Variants in BAZ1A observed in about 807,000 individuals in gnomAD.
The protein encoded by BAZ1A is bromodomain adjacent to zinc finger domain 1A.
BAZ1A carries 50 observed loss-of-function variants against 185.2 expected under a neutral mutation model. That is an observed-to-expected ratio of 0.27 (90% CI 0.22 to 0.34). The LOEUF is 0.34. Among genes scored for constraint, BAZ1A ranks in the 10% least tolerant of loss-of-function variants. BAZ1A has a pLI of 1.00. For missense variants in BAZ1A, 1,356 were observed against 1,839.9 expected (o/e 0.74, Z 4.81); for synonymous variants, 571 against 615.6 (o/e 0.93, Z 1.07).
chr14:34,792,542 A>G (rs1880917699), intron 12 of BAZ1A, among the ~76,000 whole-genome samples: 1 of 152,216 alleles, frequency 6.6e-6, no homozygotes, highest in African/African-American at 2.4e-5. Context: ...CTAAAGGAAT[A>G]AAAGCAAGAT....
intron 3 of BAZ1A, among the ~76,000 whole-genome samples, chr14:34,832,735 A>T (rs1221858308): frequency 6.6e-6 from 1 of 152,212 alleles, no homozygotes; most frequent in Non-Finnish European, 1.5e-5. Context: ...AAAATGGTAC[A>T]ACTGCTACAG....
At chr14:34,800,698 C>G (rs930976897) in intron 8 of BAZ1A, among the ~76,000 whole-genome samples, 1 of 152,174 alleles carries the variant, frequency 6.6e-6, no homozygotes, top group Non-Finnish European at 1.5e-5. Context: ...CTCATTCCCC[C>G]ACCAGACCTA....
intron 7 of BAZ1A, 22 bp from the exon 8 acceptor site, chr14:34,801,215 TATGCC>T (rs776411024): frequency 6.6e-7 from 1 of 1,526,230 alleles, no homozygotes; most frequent in Non-Finnish European, 9.0e-7. Context: ...ACCAAAATAG[TATGCC>T]TGGTTCTTAT....
intron 3 of BAZ1A, chr14:34,845,301 G>C (rs953850359): frequency 1.4e-5 from 2 of 143,506 alleles, no homozygotes; most frequent in African/African-American, 5.1e-5. Context: ...GAGGGGAAGA[G>C]GGGCTTTCCA....
chr14:34,780,004 T>C (rs1044230752), intron 17 of BAZ1A, 182 bp downstream of exon 17: 16 of 652,450 alleles, frequency 2.5e-5, no homozygotes, highest in East Asian at 1.7e-4. Context: ...AATGTACTAA[T>C]AGGACTTCAT....
chr14:34,784,323 G>C (rs550162414), intron 14 of BAZ1A, among the ~76,000 whole-genome samples: 1 of 117,782 alleles, frequency 8.5e-6, no homozygotes, highest in Admixed American at 1.2e-4. Flanking sequence ...CGCCAAGATC[G>C]CACCACTGCA....
chr14:34,818,617 G>GA (rs1209921532), intron 4 of BAZ1A, among the ~76,000 whole-genome samples: 1 of 151,784 alleles, frequency 6.6e-6, no homozygotes, highest in Admixed American at 6.6e-5. Context: ...AAACATTAAA[G>GA]AAAAAAAATT....
chr14:34,833,917 A>G (rs1033135071), intron 3 of BAZ1A, among the ~76,000 whole-genome samples: 6 of 152,166 alleles, frequency 3.9e-5, no homozygotes, highest in African/African-American at 7.2e-5. Context: ...CTAAGAGAAA[A>G]GCTTGAGAAG....
intron 3 of BAZ1A, among the ~76,000 whole-genome samples, chr14:34,843,958 C>A (rs949327835): frequency 6.6e-6 from 1 of 152,026 alleles, no homozygotes; most frequent in African/African-American, 2.4e-5. Flanking sequence ...GTAATCCCAG[C>A]ACTTTGGGAG....
chr14:34,803,284 C>A (rs1175809169), intron 6 of BAZ1A, among the ~76,000 whole-genome samples: 1 of 148,706 alleles, frequency 6.7e-6, no homozygotes, highest in Non-Finnish European at 1.5e-5. Context: ...GAGGCTGAGG[C>A]AGGAGAATCA....
intron 3 of BAZ1A, among the ~76,000 whole-genome samples, chr14:34,857,419 C>G (rs1276006851): frequency 6.6e-6 from 1 of 152,124 alleles, no homozygotes; most frequent in Non-Finnish European, 1.5e-5. Flanking sequence ...TCCTCCTGCC[C>G]AAGTATAGGC....
At chr14:34,799,742 GT>G (rs927505053) in intron 9 of BAZ1A, among the ~76,000 whole-genome samples, 1 of 151,938 alleles carries the variant, frequency 6.6e-6, no homozygotes, top group Non-Finnish European at 1.5e-5. Context: ...CTCCTTCGTA[GT>G]TGGGATTACA....
rs751957664 is a variant in BAZ1A at position 34,758,790 on chromosome 14, C to G, written c.4300G>C (p.Glu1434Gln). ...RSSGRQGGVH[E>Q]LSAFEQLVVE... ...ACAAGTTGTTCAAAAGCAGACAATT[C>G]ATGAACTCCTCCCTGTCGGCCAGAA... The change falls in exon 25 of 27, where the codon GAA (glutamate) becomes CAA (glutamine). Residue 1434 changes from glutamate to glutamine, a missense_variant. By Grantham distance (29) the Glu-to-Gln change is conservative (BLOSUM62 2). This residue lies in a region of BAZ1A where 309 missense variants were observed against 355.3 expected (regional missense o/e 0.87). Coordinates refer to ENST00000360310, the MANE Select transcript of BAZ1A (RefSeq NM_013448.3). The G allele has an allele frequency of 6.2e-7, 1 of 1,614,162 alleles. No homozygotes were observed. Among genetic ancestry groups the G allele is most frequent in the Non-Finnish European group, 8.5e-7 (1 of 1,180,014 alleles).
chr14:34,799,475 G>T (rs115798234), intron 9 of BAZ1A, among the ~76,000 whole-genome samples: 35 of 152,092 alleles, frequency 2.3e-4, no homozygotes, highest in African/African-American at 8.0e-4. Flanking sequence ...AATATCCCAA[G>T]AAATCTCTGA....
At chr14:34,831,526 G>A (rs1447364887) in intron 3 of BAZ1A, among the ~76,000 whole-genome samples, 4 of 152,182 alleles carry the variant, frequency 2.6e-5, no homozygotes, top group Non-Finnish European at 4.4e-5. Context: ...TTTTATTCCT[G>A]TTCTTCCTCA....
chr14:34,757,895 T>C (rs548663638), intron 25 of BAZ1A, among the ~76,000 whole-genome samples: 29 of 149,982 alleles, frequency 1.9e-4, no homozygotes, highest in South Asian at 1.7e-3. Context: ...TACAGGCGCC[T>C]GCCACCACGC....
rs1886086267 is a variant in BAZ1A at position 34,753,133 on chromosome 14, G to GACTC, written c.*371_*374dup. 5.3e-6 allele frequency: 1 copy of GACTC among 187,612 alleles called. No individual in the cohort carries two copies. The allele number at this position is 187,612 out of a possible 1,614,324, so 11.6% of individuals were successfully genotyped here. A position where few individuals can be genotyped will look rare whatever the true frequency, so the allele number is the denominator to read the frequency against. On this transcript the variant is annotated 3_prime_UTR_variant, in exon 27 of 27. Transcript: ENST00000360310. ...TTTTCTAAACTGTGCTATAGCGGAA[G>GACTC]ACTCATCCATGTAGATAACTCTCCC...
chr14:34,858,481 A>C (rs565565456), intron 3 of BAZ1A, among the ~76,000 whole-genome samples: 28 of 152,108 alleles, frequency 1.8e-4, no homozygotes, highest in Admixed American at 1.5e-3. Flanking sequence ...CATCCAGCTA[A>C]TTTTTGTATT....
chr14:34,817,960 C>T (rs572997859), intron 4 of BAZ1A, among the ~76,000 whole-genome samples: 53 of 152,246 alleles, frequency 3.5e-4, no homozygotes, highest in African/African-American at 1.3e-3. Flanking sequence ...GCATAGATTA[C>T]CATATGACCC....
Sources: allele counts gnomAD v4.1 joint callset (sites outside exome capture counted in the v4.1 genomes callset), GRCh38; gene constraint gnomAD v4.1.1; regional missense constraint gnomAD v4.1.1; transcripts MANE v1.5; gene names NCBI Gene and HGNC (gene_info 2026-07-23, HGNC 2026-07-21).